SHISA9: variants seen among roughly 807,000 people sequenced by gnomAD.
SHISA9 encodes the protein protein shisa-9.
In SHISA9, 13 loss-of-function variants were observed where a neutral mutation model predicts 38.0. The ratio of observed to expected loss-of-function variants is 0.34; its 90% CI spans 0.22 to 0.54. SHISA9 has a LOEUF of 0.54. Ranked by LOEUF, SHISA9 falls within the 20% of genes least tolerant of loss-of-function variation. The pLI is 0.91. For synonymous variants in SHISA9, 275 were observed against 242.0 expected (o/e 1.14, Z -1.27); for missense variants, 538 against 575.8 (o/e 0.93, Z 0.67).
chr16:13,005,368 G>A (rs933609158), intron 2 of SHISA9, among the ~76,000 whole-genome samples: 1 of 152,126 alleles, frequency 6.6e-6, no homozygotes, highest in African/African-American at 2.4e-5. Flanking sequence ...TATGGGTGAA[G>A]GGCAACCAAC....
the SHISA9 span, among the ~76,000 whole-genome samples, chr16:13,472,377 A>AGTTTTTTTT: frequency 1.8e-5 from 1 of 55,416 alleles, no homozygotes. Context: ...GCTCTGCTAA[A>AGTTTTTTTT]TTTTTTTTTT....
At chr16:12,957,730 G>A (rs886290413) in intron 2 of SHISA9, among the ~76,000 whole-genome samples, 2 of 152,108 alleles carry the variant, frequency 1.3e-5, no homozygotes, top group Non-Finnish European at 2.9e-5. Context: ...TAAACAACAA[G>A]CGTATTTTTT....
the SHISA9 span, among the ~76,000 whole-genome samples, chr16:13,355,423 G>C: frequency 6.6e-6 from 1 of 151,742 alleles, no homozygotes; most frequent in Admixed American, 6.6e-5. Flanking sequence ...AAGGTGGGGG[G>C]ATACAAGAGG....
chr16:13,356,173 A>T, the SHISA9 span, among the ~76,000 whole-genome samples: 1 of 152,114 alleles, frequency 6.6e-6, no homozygotes, highest in African/African-American at 2.4e-5. Context: ...ATTATTGTAC[A>T]CCTGAAGGTG....
intron 2 of SHISA9, among the ~76,000 whole-genome samples, chr16:12,927,234 A>G (rs990195390): frequency 6.6e-6 from 1 of 152,232 alleles, no homozygotes; most frequent in African/African-American, 2.4e-5. Context: ...TACAAGGTGA[A>G]AAGGAAATCC....
At position 13,235,733 on chromosome 16, in the gene SHISA9, T is replaced by A. The variant is rs542872733; in HGVS notation, c.*324T>A. 39 of 308,122 alleles carry A rather than the reference T, an allele frequency of 1.3e-4. No individual in the cohort carries two copies. The highest frequency in any genetic ancestry group is 4.8e-5 in the Admixed American group (1 of 20,902). The allele number at this position is 308,122 out of a possible 1,614,324, so 19.1% of individuals were successfully genotyped here. On this transcript the variant is annotated 3_prime_UTR_variant, in exon 5 of 5. Transcript: ENST00000558583. ...GTGGGGCTGAGTTTTCTTTTCCTCC[T>A]AACTTGAAACTGAAATCCATGGTGA... is the stretch of plus-strand genomic sequence containing the variant.
At position 13,104,964 on chromosome 16, in the gene SHISA9, G is replaced by A. The variant is rs143442108; in HGVS notation, c.692-98430G>A. 2.8e-4 allele frequency among the ~76,000 whole-genome samples: 43 copies of A among 152,104 alleles called. No homozygotes were observed. In the East Asian group the frequency reaches 3.7e-3, roughly 13 times the overall value. Reference sequence around the variant, plus strand: ...AACTGTGCCACTGTCAATTACTTACGTTGGTTGAGCCTCAGTTTCCCTGTC... The same window carrying A: ...AACTGTGCCACTGTCAATTACTTACATTGGTTGAGCCTCAGTTTCCCTGTC... On this transcript the variant is annotated intron_variant, in intron 2 of 4. Coordinates refer to ENST00000558583, the MANE Select transcript of SHISA9 (RefSeq NM_001145204.3).
chr16:12,908,817 A>C, intron 1 of SHISA9: 1 of 1,329,858 alleles, frequency 7.5e-7, no homozygotes, highest in South Asian at 1.6e-5. Flanking sequence ...GGACAGAAGC[A>C]CATATGTGAA....
chr16:13,450,772 TTTGTTG>T, the SHISA9 span, among the ~76,000 whole-genome samples: 8 of 151,946 alleles, frequency 5.3e-5, no homozygotes, highest in East Asian at 3.9e-4. Context: ...GTGTTGTTGT[TTTGTTG>T]TTGTTGTTGT....
At chr16:13,342,063 C>T in the SHISA9 span, among the ~76,000 whole-genome samples, 1 of 152,192 alleles carries the variant, frequency 6.6e-6, no homozygotes, top group South Asian at 2.1e-4. Flanking sequence ...TCCCTACAGT[C>T]TCACCACCAC....
intron 4 of SHISA9, among the ~76,000 whole-genome samples, chr16:13,229,606 C>T (rs960319616): frequency 2.0e-5 from 3 of 152,156 alleles, no homozygotes; most frequent in Admixed American, 1.3e-4. Context: ...GGAAGGGGTC[C>T]AGGTGTCTGA....
At chr16:13,373,971 T>A in the SHISA9 span, among the ~76,000 whole-genome samples, 27 of 151,556 alleles carry the variant, frequency 1.8e-4, no homozygotes, top group South Asian at 5.6e-3. Context: ...AAGGAAGGAG[T>A]TGAAGGAAAA....
the SHISA9 span, among the ~76,000 whole-genome samples, chr16:13,519,523 T>G: frequency 6.6e-6 from 1 of 152,202 alleles, no homozygotes; most frequent in African/African-American, 2.4e-5. Flanking sequence ...TTATAAATTG[T>G]ATTTCAGTAG....
chr16:13,520,199 G>C, the SHISA9 span, among the ~76,000 whole-genome samples: 1 of 152,200 alleles, frequency 6.6e-6, no homozygotes, highest in Admixed American at 6.5e-5. Context: ...GGAAACAGCA[G>C]CTTCTGCCCC....
intron 2 of SHISA9, among the ~76,000 whole-genome samples, chr16:13,036,519 A>T (rs555325797): frequency 6.6e-6 from 1 of 152,258 alleles, no homozygotes; most frequent in Non-Finnish European, 1.5e-5. Flanking sequence ...TTCTGGGGTG[A>T]TGGAAATATT....
At chr16:13,440,809 C>T in the SHISA9 span, among the ~76,000 whole-genome samples, 5 of 152,026 alleles carry the variant, frequency 3.3e-5, no homozygotes, top group East Asian at 9.7e-4. Flanking sequence ...GTAGTCCCAG[C>T]TACTCAGGAG....
chr16:13,504,462 C>A, the SHISA9 span, among the ~76,000 whole-genome samples: 1 of 151,960 alleles, frequency 6.6e-6, no homozygotes, highest in Non-Finnish European at 1.5e-5. Flanking sequence ...GAAGCCAAAG[C>A]CAAAAATAAT....
the SHISA9 span, among the ~76,000 whole-genome samples, chr16:13,374,895 G>T: frequency 1.4e-4 from 22 of 152,238 alleles, no homozygotes; most frequent in East Asian, 3.9e-4. Context: ...GTGGTTTTGA[G>T]TTGCATTTCT....
At chr16:13,148,822 CA>C (rs199698547) in intron 2 of SHISA9, among the ~76,000 whole-genome samples, 86 of 141,100 alleles carry the variant, frequency 6.1e-4, no homozygotes, top group Middle Eastern at 3.7e-3. Flanking sequence ...CTAGAATCAC[CA>C]AAAAAAAAAA....
Sources: gnomAD v4.1 joint callset for allele counts (sites outside exome capture counted in the v4.1 genomes callset) on GRCh38, gnomAD v4.1.1 for gene constraint, MANE v1.5 for transcripts, NCBI Gene and HGNC (gene_info 2026-07-23, HGNC 2026-07-21) for gene names.